The following PELP1 variants were observed in gnomAD, a reference collection of about 807,000 sequenced individuals.
PELP1 encodes the protein proline-, glutamic acid- and leucine-rich protein 1.
A neutral mutation model predicts 95.5 loss-of-function variants in PELP1; 32 were observed. The ratio of observed to expected loss-of-function variants is 0.34; its 90% CI spans 0.25 to 0.45. PELP1 has a LOEUF of 0.45. Among genes scored for constraint, PELP1 ranks in the 20% least tolerant of loss-of-function variants. PELP1 has a pLI of 1.00. For missense variants in PELP1, 1,358 were observed against 1,444.8 expected, an observed-to-expected ratio of 0.94 and a Z score of 0.97; for synonymous variants, 668 against 600.1, an observed-to-expected ratio of 1.11 and a Z score of -1.65.
Position 4,675,927 on chromosome 17 carries a change from T to A in PELP1, c.981-43A>T. 6.3e-7 allele frequency: 1 copy of A among 1,582,342 alleles called. No individual in the cohort carries two copies. The highest frequency in any genetic ancestry group is 8.6e-7 in the Non-Finnish European group (1 of 1,160,482). On this transcript the variant is annotated intron_variant, in intron 8 of 16. Coordinates refer to ENST00000572293, the MANE Select transcript of PELP1 (RefSeq NM_014389.3). This position sits in a 1 kb window ranked among gnomAD's most constrained non-coding sequence, Gnocchi z 4.3. ...AGGGAGACCTTCAGAGCAGGCTCCC[T>A]GGCATAACTCCCACACCCACCTTCA...
intron 6 of PELP1, 62 bp from the exon 7 acceptor site, chr17:4,676,569 G>T: frequency 6.3e-7 from 1 of 1,584,792 alleles, no homozygotes; most frequent in Non-Finnish European, 8.6e-7. Context: ...AGAACCCCCA[G>T]CCCCACTGAC....
Position 4,689,431 on chromosome 17 carries a change from GAACT to G in PELP1, c.420+1453_420+1456del, listed in dbSNP as rs562787555. 5.9e-5 allele frequency among the ~76,000 whole-genome samples: 9 copies of G among 152,048 alleles called. No homozygotes were observed. In the South Asian group the frequency reaches 1.0e-3, roughly 17 times the overall value. ...CTTCACAAACTATGCATCTGACAAAGAACTAACATCCAGAATTTACAAAGAATTC... is the reference window on the plus strand; with the variant it reads ...CTTCACAAACTATGCATCTGACAAAGAACATCCAGAATTTACAAAGAATTC... On this transcript the variant is annotated intron_variant, in intron 3 of 16. Coordinates refer to ENST00000572293, the MANE Select transcript of PELP1 (RefSeq NM_014389.3).
chr17:4,697,721 T>C (rs1172078025), intron 1 of PELP1, among the ~76,000 whole-genome samples: 5 of 152,148 alleles, frequency 3.3e-5, no homozygotes, highest in African/African-American at 1.2e-4. Flanking sequence ...CAAAGGGTTG[T>C]TTCGGCAGCA....
chr17:4,704,073 G>C lies in PELP1; in HGVS notation c.39C>G (p.Ser13=), dbSNP rs770858665. ...AAVLSGPSAG[S]AAGVPGGTGG... ...CGGTCCCGCCAGGAACCCCAGCCGC[G>C]GAGCCCGCAGAGGGCCCACTCAGAA... Residue 13 remains serine (S), a synonymous_variant, in exon 1 of 17, where the codon TCC becomes TCG. Coordinates refer to ENST00000572293, the MANE Select transcript of PELP1 (RefSeq NM_014389.3). 24 of 1,611,394 alleles carry C rather than the reference G, an allele frequency of 1.5e-5. No homozygotes were observed. The highest frequency in any genetic ancestry group is 2.0e-5 in the Non-Finnish European group (24 of 1,179,428).
At chr17:4,699,644 A>G (rs1257347883) in intron 1 of PELP1, among the ~76,000 whole-genome samples, 1 of 152,130 alleles carries the variant, frequency 6.6e-6, no homozygotes, top group East Asian at 1.9e-4. Context: ...CAGAGTTCGC[A>G]GGCGCAATCT....
At chr17:4,695,978 G>A (rs186571825) in intron 1 of PELP1, among the ~76,000 whole-genome samples, 1 of 148,912 alleles carries the variant, frequency 6.7e-6, no homozygotes, top group East Asian at 2.0e-4. Context: ...CAGTAAAGCT[G>A]TTTTTATAAA....
chr17:4,675,511 T>C lies in PELP1; in HGVS notation c.1069-149A>G, dbSNP rs1035654810. ...CTCTCCCAACAAAATCAAACCCCTA[T>C]CCTCTAAAATAGACCCTGGATGGAA... On this transcript the variant is annotated intron_variant, in intron 9 of 16. Coordinates refer to ENST00000572293, the MANE Select transcript of PELP1 (RefSeq NM_014389.3). The surrounding 1 kb of genome is among the most constrained non-coding windows in gnomAD (Gnocchi z 4.3). 2.8e-6 allele frequency: 2 copies of C among 716,896 alleles called. No homozygotes were observed. Among genetic ancestry groups the C allele is most frequent in the South Asian group, 3.0e-5 (2 of 67,020 alleles). The allele number at this position is 716,896 out of a possible 1,614,324, so 44.4% of individuals were successfully genotyped here. A position where few individuals can be genotyped will look rare whatever the true frequency, so the allele number is the denominator to read the frequency against.
Position 4,672,469 on chromosome 17 carries a change from G to T in PELP1, c.2522C>A (p.Pro841Gln). 2 of 1,567,102 alleles carry T rather than the reference G, an allele frequency of 1.3e-6. No individual in the cohort carries two copies. Among genetic ancestry groups the T allele is most frequent in the East Asian group, 2.3e-5 (1 of 43,740 alleles). ...AACAGGCGGCGGCGGAGGTGGGGGT[G>T]GCGGGAGAGGCCCTGGGGCTGCAGG... Reference protein sequence around the residue: ...ELPAAPGPLPPPPPPPPPVPG... With the variant: ...ELPAAPGPLPQPPPPPPPVPG... The change falls in exon 16 of 17, where the codon CCA (proline) becomes CAA (glutamine). Residue 841 changes from proline (P) to glutamine (Q), a missense_variant. Coordinates refer to ENST00000572293, the MANE Select transcript of PELP1 (RefSeq NM_014389.3).
chr17:4,671,306 A>G lies in PELP1; in HGVS notation c.*133T>C, dbSNP rs1416143543. The stretch of plus-strand genomic sequence containing the variant: ...GCTATGGAGACATCTGGGGAATACT[A>G]TGGACACCCTGAAAAGCCCAGCAGA... On this transcript the variant is annotated 3_prime_UTR_variant, in exon 17 of 17. Transcript: ENST00000572293. The G allele has an allele frequency of 6.1e-6, 4 of 657,988 alleles. No homozygotes were observed. Among genetic ancestry groups the G allele is most frequent in the East Asian group, 2.7e-5 (1 of 37,088 alleles). 40.8% of individuals were successfully genotyped at this position (657,988 alleles called of 1,614,324 possible).
Position 4,675,094 on chromosome 17 carries a change from TG to T in PELP1, c.1258del (p.Gln420ArgfsTer16), listed in dbSNP as rs1912403105. 1 of 1,613,292 alleles carries T rather than the reference TG, an allele frequency of 6.2e-7. No individual in the cohort carries two copies. The highest frequency in any genetic ancestry group is 1.7e-5 in the Admixed American group (1 of 59,988). On this transcript the variant is annotated frameshift_variant, in exon 11 of 17. Coordinates refer to ENST00000572293, the MANE Select transcript of PELP1 (RefSeq NM_014389.3). LOFTEE classifies it high-confidence loss of function. The surrounding 1 kb of genome is among the most constrained non-coding windows in gnomAD (Gnocchi z 4.3). ...GGATGGTCACCTGTAAGGCCTCTCCTGGCCTGGAGAGAGGGAATCTCTACCG... is the reference window on the plus strand; with the variant it reads ...GGATGGTCACCTGTAAGGCCTCTCCTGCCTGGAGAGAGGGAATCTCTACCG... ...SIGRDSLSPGQERPYSTVRTK... is the reference protein window; with the variant it reads ...SIGRDSLSPGXERPYSTVRTK...
rs771649807 is a variant in PELP1, at chr17:4,675,034, C to A, written c.1274+45G>T. The A allele has an allele frequency of 2.5e-6, 4 of 1,606,812 alleles. No homozygotes were observed. Among genetic ancestry groups the A allele is most frequent in the African/African-American group, 1.3e-5 (1 of 74,870 alleles). On this transcript the variant is annotated intron_variant, in intron 11 of 16. Coordinates refer to ENST00000572293, the MANE Select transcript of PELP1 (RefSeq NM_014389.3). The surrounding 1 kb of genome is among the most constrained non-coding windows in gnomAD (Gnocchi z 4.3). ...GCCCCAGCCCACCTGCACCCCCTCA[C>A]CCCCCTCTCCTCTTTATTCCCTTCC...
chr17:4,671,862 G>GCTTTCC lies in PELP1; in HGVS notation c.3123_3128dup (p.Glu1042_Ser1043insArgGlu). 1 of 1,513,178 alleles carries GCTTTCC rather than the reference G, an allele frequency of 6.6e-7. No homozygotes were observed. Among genetic ancestry groups the GCTTTCC allele is most frequent in the East Asian group, 2.3e-5 (1 of 43,554 alleles). The allele number at this position is 1,513,178 out of a possible 1,614,324, so 93.7% of individuals were successfully genotyped here. On this transcript the variant is annotated inframe_insertion, in exon 16 of 17. Transcript: ENST00000572293. ...CCTGGGGAGGGGGCCCTGCCGCAGG[G>GCTTTCC]CTTTCCCCTTCCCTCTCCACCTCTC...
chr17:4,672,748 G>A lies in PELP1; in HGVS notation c.2243C>T (p.Pro748Leu), dbSNP rs763887774. The change falls in exon 16 of 17, where the codon CCT (proline) becomes CTT (leucine). Residue 748 changes from proline to leucine, a missense_variant. Physicochemically the swap from Pro to Leu is moderately conservative, Grantham distance 98. This residue lies in a region of PELP1 where 340 missense variants were observed against 322.9 expected (regional missense o/e 1.05). Transcript: ENST00000572293. ...PILAPSGTPP[P>L]TIPPDETFGG... Reference sequence around the variant, plus strand: ...AAAAGTTTCATCTGGGGGTATAGTAGGTGGGGGAGTCCCACTAGGGGCAAG... The same window carrying A: ...AAAAGTTTCATCTGGGGGTATAGTAAGTGGGGGAGTCCCACTAGGGGCAAG... The A allele has an allele frequency of 2.5e-6, 4 of 1,613,644 alleles. No individual in the cohort carries two copies. The highest frequency in any genetic ancestry group is 3.4e-6 in the Non-Finnish European group (4 of 1,179,708).
At chr17:4,694,647 G>A (rs1354774008) in intron 1 of PELP1, among the ~76,000 whole-genome samples, 1 of 134,530 alleles carries the variant, frequency 7.4e-6, no homozygotes. Context: ...GTGACAGAAT[G>A]AGACTCCACC....
At chr17:4,692,208 C>G (rs1014860435) in intron 1 of PELP1, among the ~76,000 whole-genome samples, 13 of 152,206 alleles carry the variant, frequency 8.5e-5, no homozygotes, top group African/African-American at 3.1e-4. Flanking sequence ...TGGCTCACGC[C>G]TGTAATCCCA....
At position 4,672,621 on chromosome 17, in the gene PELP1, G is replaced by A. The variant is rs958252926; in HGVS notation, c.2370C>T (p.Ile790=). The A allele has an allele frequency of 4.3e-6, 7 of 1,610,198 alleles. No individual in the cohort carries two copies. In the East Asian group the frequency reaches 6.7e-5, roughly 15 times the overall value. The change falls in exon 16 of 17, where the codon ATC becomes ATT. Residue 790 remains isoleucine, a synonymous_variant. Transcript: ENST00000572293. ...LESDSDDSVV[I]VPEGLPPLPP... ...GCAGGGGGGGAAGCCCCTCGGGCAC[G>A]ATCACCACGCTGTCATCAGAGTCAC...
In PELP1 at chr17:4,673,847, CCA is replaced by C; in HGVS notation, c.1583-175_1583-174del. 1.6e-6 allele frequency: 1 copy of C among 608,372 alleles called. No homozygotes were observed. Among genetic ancestry groups the C allele is most frequent in the Non-Finnish European group, 3.0e-6 (1 of 335,794 alleles). 37.7% of individuals were successfully genotyped at this position (608,372 alleles called of 1,614,324 possible). A position where few individuals can be genotyped will look rare whatever the true frequency, so the allele number is the denominator to read the frequency against. On this transcript the variant is annotated intron_variant, in intron 13 of 16. Transcript: ENST00000572293. This position sits in a 1 kb window ranked among gnomAD's most constrained non-coding sequence, Gnocchi z 5.7. ...ATAAAAGTACCTCTACTGTATAGGG[CCA>C]CTGACGGTATTTAATTGAGACAATG...
rs575829794 is a variant in PELP1 at position 4,704,004 on chromosome 17, C to T, written c.108G>A (p.Leu36=). ...GCAAACCAGAAACACTCTCCAGCAG[C>T]AGCAGGCGGAGCCGCGGGCCCGAGC... ...AVSSGPRLRL[L]LLESVSGLLQ... The change falls in exon 1 of 17, where the codon CTG becomes CTA. Residue 36 remains leucine (L), a synonymous_variant. Transcript: ENST00000572293. 1.7e-5 allele frequency: 28 copies of T among 1,613,346 alleles called. No individual in the cohort carries two copies. The South Asian group carries it at 3.0e-4, about 17-fold the overall frequency.
chr17:4,674,380 A>G, intron 13 of PELP1, 130 bp downstream of exon 13: 1 of 786,614 alleles, frequency 1.3e-6, no homozygotes, highest in Non-Finnish European at 2.1e-6. Context: ...ATCGCAGTGG[A>G]CGAAGGCTGG....
Sources: gnomAD v4.1 joint callset for allele counts (sites outside exome capture counted in the v4.1 genomes callset) on GRCh38, gnomAD v4.1.1 for gene constraint, gnomAD v4.1.1 regional missense constraint, Gnocchi (gnomAD v3.1) non-coding constraint, MANE v1.5 for transcripts, NCBI Gene and HGNC (gene_info 2026-07-23, HGNC 2026-07-21) for gene names.